Variants in GABRR3 observed in about 807,000 individuals in gnomAD.
The protein encoded by GABRR3 is gamma-aminobutyric acid type A receptor subunit rho3, also known as gamma-aminobutyric acid receptor subunit rho-3.
GABRR3 carries 29 observed loss-of-function variants against 43.2 expected under a neutral mutation model. The ratio of observed to expected loss-of-function variants is 0.67; its 90% CI spans 0.50 to 0.92. GABRR3 has a LOEUF of 0.92. Ranked by LOEUF, GABRR3 falls within the 40% of genes least tolerant of loss-of-function variation. The probability of loss-of-function intolerance (pLI) is 0.00; values close to 1 mark genes in which losing one functional copy is unlikely to be tolerated. For synonymous variants in GABRR3, 206 were observed against 195.9 expected, an observed-to-expected ratio of 1.05 and a Z score of -0.43; for missense variants, 576 against 572.3, an observed-to-expected ratio of 1.01 and a Z score of -0.07.
In GABRR3 at chr3:98,001,285, A is replaced by G. The variant is rs1706636925; in HGVS notation, c.907+330T>C. On this transcript the variant is annotated intron_variant, in intron 8 of 9. Coordinates refer to ENST00000621172, the Ensembl canonical transcript of GABRR3. ...TGAAAAGCTAAATGGACTTGTATAA[A>G]GCATGGGGAGGTTTTCTTAAAAAAG... 3 of 252,478 alleles carry G rather than the reference A, an allele frequency of 1.2e-5. No homozygotes were observed. In the South Asian group the frequency reaches 2.4e-4, roughly 20 times the overall value. The allele number at this position is 252,478 out of a possible 1,614,324, so 15.6% of individuals were successfully genotyped here.
intron 9 of GABRR3, among the ~76,000 whole-genome samples, chr3:97,990,747 A>G (rs1412920154): frequency 6.6e-6 from 1 of 152,138 alleles, no homozygotes; most frequent in Non-Finnish European, 1.5e-5. Context: ...ATTTGAGATA[A>G]TTGAGGATGC....
intron 9 of GABRR3, among the ~76,000 whole-genome samples, chr3:97,990,592 C>T (rs1018029916): frequency 6.6e-6 from 1 of 151,966 alleles, no homozygotes; most frequent in African/African-American, 2.4e-5. Context: ...AGAAATCCGC[C>T]TGCCTTGGCC....
intron 7 of GABRR3, among the ~76,000 whole-genome samples, chr3:98,003,744 T>C (rs749045835): frequency 1.3e-5 from 2 of 152,150 alleles, no homozygotes; most frequent in Non-Finnish European, 2.9e-5. Flanking sequence ...AAACCATGCA[T>C]CTTGTCCTAC....
At chr3:98,004,636 T>C (rs1275663521) in intron 7 of GABRR3, among the ~76,000 whole-genome samples, 2 of 150,130 alleles carry the variant, frequency 1.3e-5, no homozygotes, top group Non-Finnish European at 3.0e-5. Context: ...TGCCAGGTCG[T>C]GGTGATTTTT....
chr3:98,018,913 CA>C (rs1172924373), intron 3 of GABRR3, among the ~76,000 whole-genome samples: 2 of 152,000 alleles, frequency 1.3e-5, no homozygotes, highest in Non-Finnish European at 2.9e-5. Context: ...AGTTTGAGAC[CA>C]GCTTCACCAA....
chr3:97,994,441 A>G (rs1694382805), intron 8 of GABRR3, among the ~76,000 whole-genome samples: 1 of 152,220 alleles, frequency 6.6e-6, no homozygotes, highest in Non-Finnish European at 1.5e-5. Flanking sequence ...CCTAAATGCT[A>G]TTCCAGCTCT....
At chr3:98,034,865 G>C (rs1228539600) in exon 2 of GABRR3, 2 of 1,612,886 alleles carry the variant, frequency 1.2e-6, no homozygotes, top group South Asian at 2.2e-5. Flanking sequence ...CATCTTACCA[G>C]GTTTGTTTCA....
intron 8 of GABRR3, chr3:97,997,365 A>G (rs1410959156): frequency 2.6e-5 from 4 of 152,224 alleles, no homozygotes; most frequent in African/African-American, 2.4e-5. Context: ...CTAAAATTCT[A>G]AAAATCACAG....
intron 3 of GABRR3, among the ~76,000 whole-genome samples, chr3:98,024,366 CAAAAAAAAAA>C (rs35090836): frequency 2.4e-5 from 1 of 42,466 alleles, no homozygotes; most frequent in Non-Finnish European, 5.1e-5. Flanking sequence ...GACTCCGTCT[CAAAAAAAAAA>C]AAAAAAAAAA....
chr3:98,026,911 A>C (rs1292103368), intron 2 of GABRR3, among the ~76,000 whole-genome samples: 1 of 152,152 alleles, frequency 6.6e-6, no homozygotes, highest in Non-Finnish European at 1.5e-5. Flanking sequence ...GTCTTTCAAT[A>C]GGGAAGTTTC....
At chr3:98,034,957 T>C (rs1202946133) in exon 2 of GABRR3, 2 of 1,612,880 alleles carry the variant, frequency 1.2e-6, no homozygotes, top group Non-Finnish European at 1.7e-6. Flanking sequence ...CAGATGTAGG[T>C]GAAGGAGACT....
chr3:98,026,495 G>T (rs1233439291), intron 2 of GABRR3, among the ~76,000 whole-genome samples: 1 of 152,112 alleles, frequency 6.6e-6, no homozygotes, highest in African/African-American at 2.4e-5. Flanking sequence ...GTGATACTGT[G>T]GGTGTGGAGG....
At chr3:98,031,663 AG>A (rs1707088013) in intron 2 of GABRR3, among the ~76,000 whole-genome samples, 1 of 152,054 alleles carries the variant, frequency 6.6e-6, no homozygotes, top group Non-Finnish European at 1.5e-5. Flanking sequence ...GGACCACTTG[AG>A]CACAGGTGTT....
At chr3:97,987,093 G>A (rs73140840) in intron 9 of GABRR3, 111 bp from the exon 10 acceptor site, 8 of 715,922 alleles carry the variant, frequency 1.1e-5, no homozygotes, top group Non-Finnish European at 1.8e-5. Flanking sequence ...AGCAAGATAG[G>A]CCAATTGGAT....
chr3:98,017,832 G>A (rs891598918), intron 3 of GABRR3, 110 bp from the exon 4 acceptor site: 3 of 715,138 alleles, frequency 4.2e-6, no homozygotes, highest in Non-Finnish European at 6.8e-6. Flanking sequence ...TACTGTTAAA[G>A]TTTTTTTAAA....
chr3:97,997,247 C>G (rs1706573218), intron 8 of GABRR3, among the ~76,000 whole-genome samples: 1 of 148,300 alleles, frequency 6.7e-6, no homozygotes, highest in Non-Finnish European at 1.5e-5. Context: ...AAGATTTTGA[C>G]AGAGAAACAC....
intron 5 of GABRR3, among the ~76,000 whole-genome samples, chr3:98,010,828 C>A (rs534157239): frequency 2.3e-4 from 35 of 152,168 alleles, no homozygotes; most frequent in Non-Finnish European, 4.0e-4. Flanking sequence ...GGCCAGGCAC[C>A]ATGGCTCACA....
chr3:98,019,109 CAA>C (rs55912572), intron 3 of GABRR3, among the ~76,000 whole-genome samples: 15 of 140,316 alleles, frequency 1.1e-4, no homozygotes, highest in South Asian at 2.3e-4. Context: ...GACTCTCTCT[CAA>C]AAAAAAAAAG....
exon 7 of GABRR3, chr3:98,007,812 TGAA>T (rs1420411623): frequency 6.2e-7 from 1 of 1,613,428 alleles, no homozygotes; most frequent in Non-Finnish European, 8.5e-7. Context: ...AAGTCTTCAA[TGAA>T]GAACTGAGAA....
Sources: gnomAD v4.1 joint callset for allele counts (sites outside exome capture counted in the v4.1 genomes callset) on GRCh38, gnomAD v4.1.1 for gene constraint, MANE v1.5 for transcripts, NCBI Gene and HGNC (gene_info 2026-07-23, HGNC 2026-07-21) for gene names.